Variants in URGCP observed in about 807,000 individuals in gnomAD.
URGCP encodes up-regulator of cell proliferation.
Under a neutral mutation model 24.6 loss-of-function variants are expected in URGCP, and 13 were observed. The ratio of observed to expected loss-of-function variants is 0.53; its 90% CI spans 0.34 to 0.84. URGCP has a LOEUF of 0.84. URGCP is among the 40% of genes least tolerant of loss of function. The pLI is 0.01. For missense variants in URGCP, 899 were observed against 1,194.3 expected, an observed-to-expected ratio of 0.75 and a Z score of 3.64; for synonymous variants, 444 against 487.2, an observed-to-expected ratio of 0.91 and a Z score of 1.17.
chr7:43,908,649 GCGTA>G (rs1166289399), upstream of URGCP, among the ~76,000 whole-genome samples: 6 of 152,198 alleles, frequency 3.9e-5, no homozygotes, highest in Non-Finnish European at 8.8e-5. Context: ...TCATAGGATA[GCGTA>G]CAAGTTAATC....
At chr7:43,913,130 T>A (rs1418344343) in intron 1 of URGCP, among the ~76,000 whole-genome samples, 1 of 151,868 alleles carries the variant, frequency 6.6e-6, no homozygotes, top group Non-Finnish European at 1.5e-5. Context: ...GGATTACAGG[T>A]ATGAGCCATC....
At chr7:43,915,276 G>A (rs905813647) in intron 1 of URGCP, among the ~76,000 whole-genome samples, 1 of 152,118 alleles carries the variant, frequency 6.6e-6, no homozygotes, top group Non-Finnish European at 1.5e-5. Flanking sequence ...GCCCATACAG[G>A]GACATGAGGA....
intron 1 of URGCP, among the ~76,000 whole-genome samples, chr7:43,904,968 A>G (rs73110207): frequency 0.075 from 11,484 of 152,236 alleles, 578 homozygotes; most frequent in African/African-American, 0.14. Context: ...TGTATACTAA[A>G]GGTTTTGAGA....
chr7:43,879,976 T>G (rs964608605), intron 5 of URGCP, among the ~76,000 whole-genome samples: 2 of 151,898 alleles, frequency 1.3e-5, no homozygotes, highest in Non-Finnish European at 2.9e-5. Context: ...CAGGCTGTAG[T>G]GCAGTGGCAT....
intron 5 of URGCP, 140 bp from the exon 6 acceptor site, chr7:43,879,400 C>A: frequency 9.8e-7 from 1 of 1,021,510 alleles, no homozygotes; most frequent in Non-Finnish European, 1.4e-6. Context: ...ACAGGAGGCT[C>A]AGGGTGTGCT....
At chr7:43,882,085 T>G in intron 3 of URGCP, 128 bp from the exon 4 acceptor site, 2 of 1,485,348 alleles carry the variant, frequency 1.3e-6, no homozygotes, top group Non-Finnish European at 1.8e-6. Context: ...AGTGCTTGAG[T>G]CCAGGAGTTT....
chr7:43,882,017 CA>C, intron 3 of URGCP, 60 bp from the exon 4 acceptor site: 1 of 1,609,974 alleles, frequency 6.2e-7, no homozygotes, highest in African/African-American at 1.3e-5. Flanking sequence ...ACCTTTCTGT[CA>C]AAAATTTCAA....
At chr7:43,907,581 G>A (rs1367569594), upstream of URGCP, among the ~76,000 whole-genome samples, 1 of 151,384 alleles carries the variant, frequency 6.6e-6, no homozygotes, top group Non-Finnish European at 1.5e-5. Flanking sequence ...CAGCAAAGCA[G>A]TGATTAAAAC....
chr7:43,914,917 A>G (rs2095913896), intron 1 of URGCP, among the ~76,000 whole-genome samples: 1 of 152,186 alleles, frequency 6.6e-6, no homozygotes, highest in Non-Finnish European at 1.5e-5. Context: ...ATGGTGAAAA[A>G]TTCTGTCCCT....
rs2095849051 is a variant in URGCP at position 43,878,568 on chromosome 7, T to C, written c.895A>G (p.Asn299Asp). 1 of 1,614,012 alleles carries C rather than the reference T, an allele frequency of 6.2e-7. No individual in the cohort carries two copies. Among genetic ancestry groups the C allele is most frequent in the Non-Finnish European group, 8.5e-7 (1 of 1,180,028 alleles). The change falls in exon 6 of 6, where the codon AAC becomes GAC. Residue 299 changes from asparagine (N) to aspartate (D), a missense_variant. By Grantham distance (23) the Asn-to-Asp change is conservative (BLOSUM62 1). Transcript: ENST00000453200. The surrounding 1 kb of genome is among the most constrained non-coding windows in gnomAD (Gnocchi z 5.6). ...QWDCFWHRDL[N>D]LGTNAREISD... ...ATCTCCCGGGCATTGGTGCCCAAGT[T>C]GAGGTCCCGATGCCAGAAGCAGTCC... is the stretch of plus-strand genomic sequence containing the variant.
upstream of URGCP, chr7:43,926,637 A>G: frequency 7.1e-7 from 1 of 1,407,656 alleles, no homozygotes; most frequent in Admixed American, 2.8e-5. Context: ...GTGAAGTGAA[A>G]GGTGACGGAG....
chr7:43,878,505 T>C lies in URGCP; in HGVS notation c.958A>G (p.Ser320Gly). 6.2e-7 allele frequency: 1 copy of C among 1,614,156 alleles called. No homozygotes were observed. The highest frequency in any genetic ancestry group is 8.5e-7 in the Non-Finnish European group (1 of 1,180,018). Residue 320 changes from serine (S) to glycine (G), a missense_variant, in exon 6 of 6, where the codon AGC (serine) becomes GGC (glycine). Transcript: ENST00000453200. This position sits in a 1 kb window ranked among gnomAD's most constrained non-coding sequence, Gnocchi z 5.6. ...GLVEISWFFP[S>G]GREDLDIFPE... ...AAAATGTCCAAGTCCTCCCTTCCGC[T>C]GGGAAAAAACCAGGAAATTTCTACC...
At chr7:43,886,423 T>C (rs1440872531) in intron 3 of URGCP, among the ~76,000 whole-genome samples, 1 of 152,204 alleles carries the variant, frequency 6.6e-6, no homozygotes, top group Non-Finnish European at 1.5e-5. Flanking sequence ...AGCACATTCA[T>C]TTTAAGAAGA....
chr7:43,922,365 C>T (rs955075018), intron 1 of URGCP, among the ~76,000 whole-genome samples: 1 of 152,120 alleles, frequency 6.6e-6, no homozygotes. Flanking sequence ...CTTGGTATCA[C>T]TTAACTTTCT....
At chr7:43,898,750 T>A (rs1337454902) in intron 1 of URGCP, among the ~76,000 whole-genome samples, 4 of 83,450 alleles carry the variant, frequency 4.8e-5, no homozygotes, top group African/African-American at 2.2e-4. Flanking sequence ...GTCTCAAAAA[T>A]AAATAAATAA....
intron 1 of URGCP, chr7:43,919,282 T>G (rs1385507793): frequency 3.7e-6 from 3 of 820,498 alleles, no homozygotes; most frequent in African/African-American, 3.3e-5. Flanking sequence ...AAGAGGCTGA[T>G]GCAGAACGCA....
chr7:43,910,209 T>C (rs1391597008), upstream of URGCP, among the ~76,000 whole-genome samples: 1 of 151,920 alleles, frequency 6.6e-6, no homozygotes, highest in Non-Finnish European at 1.5e-5. Context: ...AACTGATCTA[T>C]TTATTTGTTT....
chr7:43,878,443 G>A lies in URGCP; in HGVS notation c.1020C>T (p.Asp340=), dbSNP rs375804238. ...TAAACTGCAGCCAGTGAGACCCGAT[G>A]TCACCTCTCAGGTTCAGAAAGGCCA... ...EPVAFLNLRG[D]IGSHWLQFKL... is the part of the protein sequence containing the mutation. The change falls in exon 6 of 6, where the codon GAC becomes GAT. Residue 340 remains aspartate (D), a synonymous_variant. Coordinates refer to ENST00000453200, the MANE Select transcript of URGCP (RefSeq NM_001077663.3). The surrounding 1 kb of genome is among the most constrained non-coding windows in gnomAD (Gnocchi z 5.6). The A allele has an allele frequency of 6.2e-7, 1 of 1,614,082 alleles. No individual in the cohort carries two copies. The highest frequency in any genetic ancestry group is 8.5e-7 in the Non-Finnish European group (1 of 1,180,042).
At chr7:43,926,443 C>G, upstream of URGCP, 1 of 1,198,124 alleles carries the variant, frequency 8.3e-7, no homozygotes, top group Non-Finnish European at 1.1e-6. Context: ...GCTGCGGCTC[C>G]CGGCGTGCAG....
Sources: gnomAD v4.1 joint callset for allele counts (sites outside exome capture counted in the v4.1 genomes callset) on GRCh38, gnomAD v4.1.1 for gene constraint, Gnocchi (gnomAD v3.1) non-coding constraint, MANE v1.5 for transcripts, NCBI Gene and HGNC (gene_info 2026-07-23, HGNC 2026-07-21) for gene names.